Variants in EML6 observed in about 807,000 individuals in gnomAD.
The protein encoded by EML6 is echinoderm microtubule-associated protein-like 6.
In EML6, 154 loss-of-function variants were observed where a neutral mutation model predicts 240.1. That is an observed-to-expected ratio of 0.64 (90% CI 0.56 to 0.73). EML6 has a LOEUF of 0.73. EML6 is among the 30% of genes least tolerant of loss of function. The pLI is 0.00. For missense variants in EML6, 2,964 were observed against 2,474.6 expected (o/e 1.20, Z -4.20); for synonymous variants, 1,148 against 899.0 (o/e 1.28, Z -4.95).
At chr2:54,797,179 A>AAAAAAAAAACAAAAAAAAAAAC (rs1669853156) in intron 2 of EML6, among the ~76,000 whole-genome samples, 1 of 146,906 alleles carries the variant, frequency 6.8e-6, no homozygotes, top group Non-Finnish European at 1.5e-5. Flanking sequence ...AAAAAAAAAA[A>AAAAAAAAAACAAAAAAAAAAAC]AAAAAAAAAA....
intron 28 of EML6, among the ~76,000 whole-genome samples, chr2:54,939,140 C>G (rs765875658): frequency 2.6e-5 from 4 of 152,228 alleles, no homozygotes; most frequent in Non-Finnish European, 4.4e-5. Context: ...GATTAGATAT[C>G]AAATTCTGAG....
chr2:54,950,413 G>C (rs2104484075), intron 29 of EML6, among the ~76,000 whole-genome samples: 1 of 152,338 alleles, frequency 6.6e-6, no homozygotes. Context: ...GGGTTTTTTG[G>C]AAAGTCATGG....
chr2:54,799,371 T>C lies in EML6; in HGVS notation c.198-13861T>C, dbSNP rs777980226. ...CCACCACGCCCAGCCTTTATTACTATTTTTTTTTAAGATGGAGCCTCTGGT... is the reference window on the plus strand; with the variant it reads ...CCACCACGCCCAGCCTTTATTACTACTTTTTTTTAAGATGGAGCCTCTGGT... On this transcript the variant is annotated intron_variant, in intron 2 of 41. Transcript: ENST00000356458. 1.3e-3 allele frequency among the ~76,000 whole-genome samples: 203 copies of C among 150,722 alleles called. 1 individual carries two copies. The highest frequency in any genetic ancestry group is 0.01 in the Middle Eastern group (3 of 290).
chr2:54,949,718 A>C (rs77779081), intron 29 of EML6, among the ~76,000 whole-genome samples: 1 of 152,122 alleles, frequency 6.6e-6, no homozygotes, highest in Non-Finnish European at 1.5e-5. Context: ...ATTCAAGTTC[A>C]TGGTTTCAAA....
At chr2:54,770,304 A>T (rs1319064228) in intron 2 of EML6, among the ~76,000 whole-genome samples, 1 of 152,220 alleles carries the variant, frequency 6.6e-6, no homozygotes, top group East Asian at 1.9e-4. Context: ...AACAGGTGTA[A>T]GCTGGGACCG....
In EML6 at chr2:54,950,688, C is replaced by A; in HGVS notation, c.4122C>A (p.Phe1374Leu). 6.4e-7 allele frequency: 1 copy of A among 1,551,598 alleles called. No homozygotes were observed. Among genetic ancestry groups the A allele is most frequent in the Non-Finnish European group, 8.7e-7 (1 of 1,146,966 alleles). Residue 1374 changes from phenylalanine (F) to leucine (L), a missense_variant, in exon 30 of 42, where the codon TTC (phenylalanine) becomes TTA (leucine). Physicochemically the swap from Phe to Leu is conservative, Grantham distance 22. Transcript: ENST00000356458. ...ACCACGTGTTTGGCTACAGAGGTTT[C>A]GACTGTCGAAATAACCTGCATTACC... Reference protein sequence around the residue: ...ALDHVFGYRGFDCRNNLHYLN... With the variant: ...ALDHVFGYRGLDCRNNLHYLN...
intron 2 of EML6, among the ~76,000 whole-genome samples, chr2:54,760,541 A>G (rs1339539724): frequency 6.6e-6 from 1 of 152,152 alleles, no homozygotes; most frequent in Non-Finnish European, 1.5e-5. Flanking sequence ...CAGTTTCAAT[A>G]TAGCCTAGAA....
At chr2:54,848,878 A>C (rs763284047) in intron 9 of EML6, among the ~76,000 whole-genome samples, 1 of 152,232 alleles carries the variant, frequency 6.6e-6, no homozygotes, top group Non-Finnish European at 1.5e-5. Flanking sequence ...TTACATCACA[A>C]TTTAACATTT....
intron 17 of EML6, among the ~76,000 whole-genome samples, chr2:54,885,115 C>T (rs1220513466): frequency 6.6e-6 from 1 of 152,026 alleles, no homozygotes; most frequent in African/African-American, 2.4e-5. Flanking sequence ...CCAGATTGCG[C>T]CACTGCACTC....
At chr2:54,918,933 C>T (rs892239144) in intron 26 of EML6, among the ~76,000 whole-genome samples, 1 of 152,190 alleles carries the variant, frequency 6.6e-6, no homozygotes, top group African/African-American at 2.4e-5. Flanking sequence ...TGTAATATTT[C>T]ATCCTAGAAT....
chr2:54,928,561 C>A, intron 27 of EML6, 47 bp downstream of exon 27: 2 of 1,550,922 alleles, frequency 1.3e-6, no homozygotes, highest in South Asian at 1.2e-5. Flanking sequence ...ATGCACCTCC[C>A]AACACCTCCC....
At position 54,866,879 on chromosome 2, in the gene EML6, A is replaced by T. The variant is rs771379576; in HGVS notation, c.2046A>T (p.Ile682=). Residue 682 remains isoleucine, a synonymous_variant, in exon 14 of 42, where the codon ATA becomes ATT. Coordinates refer to ENST00000356458, the MANE Select transcript of EML6 (RefSeq NM_001039753.4). ...AGGACAGCTTGAAACTCCAGTTCAT[A>T]CACGGGTGGGTGGCCTGTCATGGGC... ...APEDSLKLQF[I]HGYRGYDCRN... The T allele has an allele frequency of 6.5e-7, 1 of 1,546,348 alleles. No homozygotes were observed. The highest frequency in any genetic ancestry group is 1.2e-5 in the South Asian group (1 of 83,964).
intron 2 of EML6, among the ~76,000 whole-genome samples, chr2:54,789,752 A>C (rs1669325919): frequency 6.6e-6 from 1 of 152,162 alleles, no homozygotes; most frequent in Non-Finnish European, 1.5e-5. Flanking sequence ...CAGATGAGCA[A>C]ACTAAGGCTC....
chr2:54,936,747 C>G (rs1005640790), intron 28 of EML6, among the ~76,000 whole-genome samples: 7 of 152,002 alleles, frequency 4.6e-5, no homozygotes, highest in African/African-American at 1.5e-4. Flanking sequence ...CTTCCTGTTT[C>G]TACATTATTT....
intron 2 of EML6, among the ~76,000 whole-genome samples, chr2:54,783,485 C>G (rs547618346): frequency 2.0e-5 from 3 of 152,232 alleles, no homozygotes; most frequent in East Asian, 3.9e-4. Context: ...TGGAACAAAG[C>G]TGTAGTTGAT....
At chr2:54,843,964 T>C in intron 7 of EML6, 83 bp from the exon 8 acceptor site, 1 of 657,238 alleles carries the variant, frequency 1.5e-6, no homozygotes, top group Non-Finnish European at 2.6e-6. Context: ...CTTTAGGGTT[T>C]TGTGTGTGTG....
At chr2:54,747,129 A>G (rs1040217580) in intron 2 of EML6, 2 of 152,266 alleles carry the variant, frequency 1.3e-5, no homozygotes, top group African/African-American at 4.8e-5. Flanking sequence ...TTTATTAAAT[A>G]TCAAGGAGAT....
At position 54,816,838 on chromosome 2, in the gene EML6, T is replaced by C; in HGVS notation, c.409T>C (p.Trp137Arg). The C allele has an allele frequency of 6.4e-7, 1 of 1,551,610 alleles. No homozygotes were observed. The highest frequency in any genetic ancestry group is 8.7e-7 in the Non-Finnish European group (1 of 1,146,890). ...CAAAAACACAGTCTGCATTTGGGAC[T>C]GGAGGAAGGGAAAACTTCTGGCGTC... ...DAKNTVCIWD[W>R]RKGKLLASAT... The change falls in exon 4 of 42, where the codon TGG becomes CGG. Residue 137 changes from tryptophan (W) to arginine (R), a missense_variant. Coordinates refer to ENST00000356458, the MANE Select transcript of EML6 (RefSeq NM_001039753.4).
intron 2 of EML6, among the ~76,000 whole-genome samples, chr2:54,743,859 A>G (rs1304552188): frequency 3.3e-5 from 5 of 152,150 alleles, no homozygotes; most frequent in African/African-American, 7.2e-5. Context: ...ATTTCTTACT[A>G]TACTCCCCCA....
Sources: allele counts gnomAD v4.1 joint callset (sites outside exome capture counted in the v4.1 genomes callset), GRCh38; gene constraint gnomAD v4.1.1; transcripts MANE v1.5; gene names NCBI Gene and HGNC (gene_info 2026-07-23, HGNC 2026-07-21).